Variants in JARID2 observed in about 807,000 individuals in gnomAD.
The protein encoded by JARID2 is jumonji and AT-rich interaction domain containing 2, also known as protein Jumonji.
JARID2 carries 21 observed loss-of-function variants against 125.6 expected under a neutral mutation model. The observed-to-expected ratio is 0.17, with a 90% CI of 0.12 to 0.24. JARID2 has a LOEUF of 0.24. JARID2 is among the 10% of genes least tolerant of loss of function. JARID2 has a pLI of 1.00. For synonymous variants in JARID2, 736 were observed against 661.6 expected (o/e 1.11, Z -1.73); for missense variants, 1,303 against 1,639.6 (o/e 0.79, Z 3.55).
intron 2 of JARID2, 46 bp from the exon 3 acceptor site, chr6:15,410,178 C>T (rs755229499): frequency 6.9e-6 from 11 of 1,587,182 alleles, no homozygotes; most frequent in Non-Finnish European, 9.5e-6. Context: ...AGTGCTGCCT[C>T]CTGATGTGAT....
At chr6:15,482,899 A>G (rs570760181) in intron 5 of JARID2, among the ~76,000 whole-genome samples, 4 of 152,298 alleles carry the variant, frequency 2.6e-5, no homozygotes, top group Admixed American at 6.5e-5. Context: ...TTTGAAAATA[A>G]TGGTTCAGTG....
intron 2 of JARID2, chr6:15,400,823 C>G: frequency 7.9e-7 from 1 of 1,267,590 alleles, no homozygotes; most frequent in Non-Finnish European, 1.0e-6. Flanking sequence ...TCTGCACTGC[C>G]GCTTGCTTAT....
At chr6:15,313,093 GAA>G (rs1227656607) in intron 1 of JARID2, among the ~76,000 whole-genome samples, 1 of 152,158 alleles carries the variant, frequency 6.6e-6, no homozygotes, top group African/African-American at 2.4e-5. Context: ...TCTTGGAAAA[GAA>G]TTCAGTGCTG....
At chr6:15,268,546 G>C (rs148496569) in intron 1 of JARID2, among the ~76,000 whole-genome samples, 1 of 152,168 alleles carries the variant, frequency 6.6e-6, no homozygotes, top group African/African-American at 2.4e-5. Context: ...TGGAAAGGAC[G>C]GTGGCTTTGG....
intron 1 of JARID2, chr6:15,248,209 C>A: frequency 1.9e-6 from 1 of 538,262 alleles, no homozygotes; most frequent in Non-Finnish European, 2.4e-6. Context: ...CGTCCTCGAG[C>A]CGGCTGCGAA....
In JARID2 at chr6:15,452,630, A is replaced by G. The variant is rs79663311; in HGVS notation, c.493+455A>G. Among the ~76,000 whole-genome samples, 1,099 of 152,266 alleles carry G rather than the reference A, an allele frequency of 7.2e-3. 13 individuals carry two copies. Among genetic ancestry groups the G allele is most frequent in the African/African-American group, 0.025 (1,044 of 41,536 alleles). On this transcript the variant is annotated intron_variant, in intron 4 of 17. Coordinates refer to ENST00000341776, the MANE Select transcript of JARID2 (RefSeq NM_004973.4). The stretch of plus-strand genomic sequence containing the variant: ...AGGGACTTACGGTTCTCTCAGCCCT[A>G]TATTACGTTAAGGAAAACAGTACTG...
chr6:15,288,536 TTGTC>T (rs1397536604), intron 1 of JARID2, among the ~76,000 whole-genome samples: 5 of 152,216 alleles, frequency 3.3e-5, no homozygotes, highest in Non-Finnish European at 5.9e-5. Flanking sequence ...TATTACTTGT[TTGTC>T]TGAATCTTTG....
chr6:15,374,247 T>C lies in JARID2; in HGVS notation c.176T>C (p.Val59Ala). ...GGCATTGCTGGGAGCCTGAAAACTG[T>C]GAATGGTGAGTTGACTCTTGGAATA... is the stretch of plus-strand genomic sequence containing the variant. ...AEGIAGSLKT[V>A]NGLLGNDQSK... The change falls in exon 2 of 18, where the codon GTG (valine) becomes GCG (alanine). Residue 59 changes from valine to alanine, a missense_variant. Physicochemically the swap from Val to Ala is moderately conservative, Grantham distance 64. Around this residue, in one of 11 missense-constraint regions of JARID2, gnomAD observed 93 missense variants for 120.4 expected, o/e 0.77. Transcript: ENST00000341776. 1 of 1,613,762 alleles carries C rather than the reference T, an allele frequency of 6.2e-7. No individual in the cohort carries two copies. The highest frequency in any genetic ancestry group is 8.5e-7 in the Non-Finnish European group (1 of 1,179,830).
At chr6:15,360,887 A>T (rs1763768329) in intron 1 of JARID2, among the ~76,000 whole-genome samples, 1 of 152,242 alleles carries the variant, frequency 6.6e-6, no homozygotes, top group Non-Finnish European at 1.5e-5. Flanking sequence ...AGGTCCGCCA[A>T]CCTTGACTTG....
In JARID2 at chr6:15,246,149, T is replaced by C. The variant is rs1251332028; in HGVS notation, c.-391T>C. The C allele has an allele frequency of 4.8e-6, 2 of 413,020 alleles. No homozygotes were observed. The highest frequency in any genetic ancestry group is 8.5e-6 in the Non-Finnish European group (2 of 235,276). The allele number at this position is 413,020 out of a possible 1,614,324, so 25.6% of individuals were successfully genotyped here. A position where few individuals can be genotyped will look rare whatever the true frequency, so the allele number is the denominator to read the frequency against. On this transcript the variant is annotated 5_prime_UTR_variant, in exon 1 of 18. Coordinates refer to ENST00000341776, the MANE Select transcript of JARID2 (RefSeq NM_004973.4). ...TTTTTATTTATCTTTCCCTTTTCTT[T>C]TCCAAGATGTAACTACGGATCAGAC...
chr6:15,312,008 T>G (rs924289036), intron 1 of JARID2, among the ~76,000 whole-genome samples: 4 of 152,198 alleles, frequency 2.6e-5, no homozygotes, highest in African/African-American at 7.2e-5. Context: ...TCATTCTACA[T>G]ATGCACCCCT....
At chr6:15,257,351 TGG>T (rs199567283) in intron 1 of JARID2, among the ~76,000 whole-genome samples, 2,013 of 152,314 alleles carry the variant, frequency 0.013, 15 homozygotes, top group Non-Finnish European at 0.021. Context: ...AATCACATAC[TGG>T]ACATTCCTCT....
At chr6:15,430,832 G>T (rs541047917) in intron 3 of JARID2, among the ~76,000 whole-genome samples, 1 of 152,234 alleles carries the variant, frequency 6.6e-6, no homozygotes, top group East Asian at 1.9e-4. Context: ...CAGTCTTGGG[G>T]TACTTTATTA....
At chr6:15,336,190 T>C (rs1023081568) in intron 1 of JARID2, among the ~76,000 whole-genome samples, 3 of 152,220 alleles carry the variant, frequency 2.0e-5, no homozygotes, top group African/African-American at 7.2e-5. Context: ...GCTGTGGAGA[T>C]CAGTGGCTGC....
At chr6:15,479,729 C>G (rs1022039139) in intron 5 of JARID2, among the ~76,000 whole-genome samples, 1 of 152,170 alleles carries the variant, frequency 6.6e-6, no homozygotes, top group Non-Finnish European at 1.5e-5. Flanking sequence ...GACGTTTGTT[C>G]CCTGTGCGAG....
intron 1 of JARID2, among the ~76,000 whole-genome samples, chr6:15,361,052 TCTC>T: frequency 6.6e-6 from 1 of 152,242 alleles, no homozygotes; most frequent in Non-Finnish European, 1.5e-5. Context: ...TTTGGTATTT[TCTC>T]TAAGGTCTGT....
intron 5 of JARID2, among the ~76,000 whole-genome samples, chr6:15,486,191 G>C (rs943715756): frequency 3.9e-5 from 6 of 152,240 alleles, no homozygotes; most frequent in Non-Finnish European, 7.3e-5. Flanking sequence ...TGAAGAAACA[G>C]GCCCTGTTTG....
chr6:15,346,141 T>C (rs1430439361), intron 1 of JARID2, among the ~76,000 whole-genome samples: 1 of 152,216 alleles, frequency 6.6e-6, no homozygotes, highest in Non-Finnish European at 1.5e-5. Flanking sequence ...CATTAAAGCA[T>C]CTATTTGGTG....
intron 1 of JARID2, among the ~76,000 whole-genome samples, chr6:15,318,206 C>T (rs1012700672): frequency 1.3e-5 from 2 of 151,390 alleles, no homozygotes; most frequent in Non-Finnish European, 2.9e-5. Context: ...AGCAAAACTC[C>T]GTTTCCAAAA....
Sources: allele counts gnomAD v4.1 joint callset (sites outside exome capture counted in the v4.1 genomes callset), GRCh38; gene constraint gnomAD v4.1.1; regional missense constraint gnomAD v4.1.1; transcripts MANE v1.5; gene names NCBI Gene and HGNC (gene_info 2026-07-23, HGNC 2026-07-21).